Variants in MAGI1 observed in about 807,000 individuals in gnomAD.
The protein encoded by MAGI1 is membrane associated guanylate kinase, WW and PDZ domain containing 1.
Under a neutral mutation model 139.9 loss-of-function variants are expected in MAGI1, and 58 were observed. The observed-to-expected ratio is 0.41, with a 90% CI of 0.34 to 0.52. MAGI1 has a LOEUF of 0.52. MAGI1 is among the 20% of genes least tolerant of loss of function. MAGI1 has a pLI of 0.12. For missense variants in MAGI1, 1,874 were observed against 1,901.6 expected, an observed-to-expected ratio of 0.99 and a Z score of 0.27; for synonymous variants, 812 against 737.9, an observed-to-expected ratio of 1.10 and a Z score of -1.63.
chr3:66,002,283 A>C (rs1262546020), intron 1 of MAGI1, among the ~76,000 whole-genome samples: 1 of 152,206 alleles, frequency 6.6e-6, no homozygotes, highest in Admixed American at 6.5e-5. Context: ...AAATGTTTCT[A>C]TAATAAATAA....
At chr3:65,611,631 A>ATATATACTAGTAT (rs2083127671) in intron 2 of MAGI1, among the ~76,000 whole-genome samples, 2 of 147,176 alleles carry the variant, frequency 1.4e-5, no homozygotes, top group African/African-American at 2.5e-5. Flanking sequence ...TATACAGTAT[A>ATATATACTAGTAT]TATATATACT....
intron 22 of MAGI1, chr3:65,358,957 A>G: frequency 1.0e-6 from 1 of 983,120 alleles, no homozygotes; most frequent in Non-Finnish European, 1.6e-6. Flanking sequence ...CAAAGAACGC[A>G]GGGTGCTCAG....
intron 1 of MAGI1, among the ~76,000 whole-genome samples, chr3:65,965,206 C>G (rs946227815): frequency 6.6e-6 from 1 of 152,232 alleles, no homozygotes; most frequent in Non-Finnish European, 1.5e-5. Context: ...ACCAGACATA[C>G]AAACTCCGAG....
intron 1 of MAGI1, among the ~76,000 whole-genome samples, chr3:65,672,747 G>A (rs990936289): frequency 1.3e-5 from 2 of 152,102 alleles, no homozygotes; most frequent in Admixed American, 6.5e-5. Flanking sequence ...AACTGATTTC[G>A]GAGGAAACAG....
At chr3:65,365,132 G>C (rs550398086) in intron 18 of MAGI1, 186 bp from the exon 19 acceptor site, 3 of 752,352 alleles carry the variant, frequency 4.0e-6, no homozygotes, top group South Asian at 2.7e-5. Flanking sequence ...TCTCTGATGT[G>C]GGTCATGTAT....
rs900603702 is a variant in MAGI1 at position 65,718,279 on chromosome 3, G to C, written c.314-96191C>G. 2.0e-5 allele frequency among the ~76,000 whole-genome samples: 3 copies of C among 152,068 alleles called. No homozygotes were observed. The South Asian group carries it at 6.2e-4, about 32-fold the overall frequency. ...ACCCAGTATTGCCAGAAACATTTTGGCTGGACCTAAGAGATAGCTTCCTAA... is the reference window on the plus strand; with the variant it reads ...ACCCAGTATTGCCAGAAACATTTTGCCTGGACCTAAGAGATAGCTTCCTAA... On this transcript the variant is annotated intron_variant, in intron 1 of 22. Transcript: ENST00000402939.
At chr3:65,826,618 G>T (rs186452414) in intron 1 of MAGI1, among the ~76,000 whole-genome samples, 42 of 152,222 alleles carry the variant, frequency 2.8e-4, no homozygotes, top group Admixed American at 2.2e-3. Context: ...GGTACATTTT[G>T]TGCCCAACTC....
At chr3:65,836,919 G>A (rs1420427212) in intron 1 of MAGI1, among the ~76,000 whole-genome samples, 3 of 152,036 alleles carry the variant, frequency 2.0e-5, no homozygotes, top group African/African-American at 7.2e-5. Context: ...CATCTGCCCT[G>A]GCTCACTGTC....
chr3:65,495,869 G>C (rs896215197), intron 2 of MAGI1, among the ~76,000 whole-genome samples: 1 of 152,038 alleles, frequency 6.6e-6, no homozygotes, highest in Non-Finnish European at 1.5e-5. Context: ...TGTGTTCAGG[G>C]AAGGGCAGAA....
chr3:65,807,363 G>A (rs529013536), intron 1 of MAGI1, among the ~76,000 whole-genome samples: 24 of 152,264 alleles, frequency 1.6e-4, no homozygotes, highest in African/African-American at 5.3e-4. Flanking sequence ...AAAGGGACCG[G>A]CTTTCTCTTC....
intron 1 of MAGI1, among the ~76,000 whole-genome samples, chr3:65,870,111 A>AT (rs1331341127): frequency 6.6e-6 from 1 of 152,122 alleles, no homozygotes; most frequent in African/African-American, 2.4e-5. Context: ...GATGCTGAGC[A>AT]TTTATTTCTA....
chr3:65,403,300 G>T (rs1240983837), intron 12 of MAGI1, among the ~76,000 whole-genome samples: 3 of 152,096 alleles, frequency 2.0e-5, no homozygotes, highest in Non-Finnish European at 1.5e-5. Flanking sequence ...TAGTTATCTT[G>T]CACTAACTAG....
intron 1 of MAGI1, among the ~76,000 whole-genome samples, chr3:65,930,670 G>A (rs1393422666): frequency 1.3e-5 from 2 of 152,160 alleles, no homozygotes; most frequent in Non-Finnish European, 2.9e-5. Context: ...AGACCTTGCT[G>A]ATTAAACAGG....
intron 12 of MAGI1, among the ~76,000 whole-genome samples, chr3:65,411,366 T>C (rs901067963): frequency 6.6e-6 from 1 of 152,236 alleles, no homozygotes; most frequent in Non-Finnish European, 1.5e-5. Flanking sequence ...GTTGACCATG[T>C]AACCCATTCC....
chr3:65,475,767 G>C (rs988246450), intron 4 of MAGI1, among the ~76,000 whole-genome samples: 2 of 151,868 alleles, frequency 1.3e-5, no homozygotes, highest in Non-Finnish European at 2.9e-5. Flanking sequence ...CTTAATCAAT[G>C]ACTGCAGAAA....
intron 2 of MAGI1, chr3:65,549,289 T>G: frequency 2.4e-6 from 1 of 421,100 alleles, no homozygotes; most frequent in Non-Finnish European, 3.2e-6. Context: ...TCCTTCCCTT[T>G]CCTCCCTCTT....
At chr3:65,730,682 C>T (rs952558252) in intron 1 of MAGI1, among the ~76,000 whole-genome samples, 1 of 152,170 alleles carries the variant, frequency 6.6e-6, no homozygotes, top group African/African-American at 2.4e-5. Flanking sequence ...TTAGCGGGAA[C>T]AGGGAGAGAT....
At chr3:65,537,129 G>A (rs1576236493) in intron 2 of MAGI1, among the ~76,000 whole-genome samples, 1 of 152,088 alleles carries the variant, frequency 6.6e-6, no homozygotes, top group African/African-American at 2.4e-5. Context: ...AACCTCCTCT[G>A]CCATCATCCC....
chr3:65,977,312 T>C (rs1003484678), intron 1 of MAGI1, among the ~76,000 whole-genome samples: 1 of 152,196 alleles, frequency 6.6e-6, no homozygotes, highest in African/African-American at 2.4e-5. Flanking sequence ...GACTTCATCC[T>C]GAAAACACAC....
Sources: allele counts gnomAD v4.1 joint callset (sites outside exome capture counted in the v4.1 genomes callset), GRCh38; gene constraint gnomAD v4.1.1; transcripts MANE v1.5; gene names NCBI Gene and HGNC (gene_info 2026-07-23, HGNC 2026-07-21).